The following HUWE1 variants were observed in gnomAD, a reference collection of about 807,000 sequenced individuals.
HUWE1 encodes HECT, UBA and WWE domain containing E3 ubiquitin protein ligase 1, also known as E3 ubiquitin-protein ligase HUWE1.
A neutral mutation model predicts 299.4 loss-of-function variants in HUWE1; 18 were observed. That is an observed-to-expected ratio of 0.06 (90% CI 0.04 to 0.09). The LOEUF (loss-of-function observed/expected upper bound fraction) is 0.09. HUWE1 is among the 10% of genes least tolerant of loss of function. The pLI is 1.00. For synonymous variants in HUWE1, 1,317 were observed against 1,286.1 expected, an observed-to-expected ratio of 1.02 and a Z score of -0.51; for missense variants, 1,832 against 3,462.3, an observed-to-expected ratio of 0.53 and a Z score of 11.82.
At chrX:53,558,860 A>G in intron 58 of HUWE1, 51 bp from the exon 59 acceptor site, 2 of 1,195,195 alleles carry the variant, frequency 1.7e-6, no homozygotes, top group Middle Eastern at 2.4e-4. Context: ...GTCAGGGAGG[A>G]AGCCAAGAGG....
intron 43 of HUWE1, among the ~76,000 whole-genome samples, chrX:53,577,802 A>G (rs1261186433): frequency 1.7e-5 from 2 of 114,670 alleles, no homozygotes; most frequent in African/African-American, 6.3e-5. Context: ...GGGATTGCAG[A>G]CGGAGTCTCG....
chrX:53,636,258 G>A, intron 7 of HUWE1, among the ~76,000 whole-genome samples: 1 of 112,694 alleles, frequency 8.9e-6, no homozygotes, highest in Non-Finnish European at 1.9e-5. Flanking sequence ...ATGGCAGAAT[G>A]GGGAACCCCA....
intron 51 of HUWE1, among the ~76,000 whole-genome samples, chrX:53,564,171 G>A (rs1341955334): frequency 1.8e-5 from 2 of 111,850 alleles, no homozygotes; most frequent in Admixed American, 9.5e-5. Context: ...TTTCCTTTAG[G>A]GTCTTTAGAA....
Position 53,542,845 on chromosome X carries a change from T to TTGTGTGTGTGTGTGTG in HUWE1, c.11380-322_11380-307dup, listed in dbSNP as rs57187405. 74 of 164,051 alleles carry TTGTGTGTGTGTGTGTG rather than the reference T, an allele frequency of 4.5e-4. 2 individuals are homozygous for TTGTGTGTGTGTGTGTG. Among genetic ancestry groups the TTGTGTGTGTGTGTGTG allele is most frequent in the Non-Finnish European group, 6.6e-4 (59 of 89,038 alleles). 13.5% of individuals were successfully genotyped at this position (164,051 alleles called of 1,213,427 possible). The stretch of plus-strand genomic sequence containing the variant: ...TATATAGACTTCAAGTCTTCTTCTG[T>TTGTGTGTGTGTGTGTG]TGTGTGTGTGTGTGTGTGTGTGTGT... On this transcript the variant is annotated intron_variant, in intron 73 of 83. Transcript: ENST00000262854.
chrX:53,562,775 T>C (rs1385350895), intron 53 of HUWE1, 56 bp downstream of exon 53: 32 of 959,155 alleles, frequency 3.3e-5, no homozygotes, highest in East Asian at 6.1e-5. Context: ...CCTAGTGTAG[T>C]GTCTGTCAGA....
intron 23 of HUWE1, 51 bp downstream of exon 23, chrX:53,614,483 A>G (rs1218969493): frequency 1.1e-6 from 1 of 928,141 alleles, no homozygotes; most frequent in Non-Finnish European, 1.6e-6. Flanking sequence ...TAGAGAGGTG[A>G]TAACATGCCC....
intron 3 of HUWE1, among the ~76,000 whole-genome samples, chrX:53,654,415 T>C (rs1490682770): frequency 2.7e-5 from 3 of 111,888 alleles, no homozygotes; most frequent in African/African-American, 9.8e-5. Context: ...AAACTCTTAA[T>C]TGAAAATAAG....
chrX:53,545,025 C>A lies in HUWE1; in HGVS notation c.11048+4G>T. On this transcript the variant is annotated splice_donor_region_variant and intron_variant, in intron 71 of 83. Transcript: ENST00000262854. The stretch of plus-strand genomic sequence containing the variant: ...CCCCCAGCCAAAGGGTGGCTACCAC[C>A]CACCTGCTCTGCATTTTGCCCTTCA... 1 of 1,210,716 alleles carries A rather than the reference C, an allele frequency of 8.3e-7. No individual in the cohort carries two copies.
chrX:53,618,566 T>C (rs886954195), intron 19 of HUWE1, among the ~76,000 whole-genome samples: 1 of 90,581 alleles, frequency 1.1e-5, no homozygotes, highest in Non-Finnish European at 2.2e-5. Flanking sequence ...AAGAATTTTC[T>C]TTTTTTTTTT....
At position 53,631,013 on chromosome X, in the gene HUWE1, G is replaced by C; in HGVS notation, c.784C>G (p.Arg262Gly). ...DKQMLLFTHIRLAHGFSNHRK... is the reference protein window; with the variant it reads ...DKQMLLFTHIGLAHGFSNHRK... ...TGATTAGAAAAGCCATGGGCCAGTC[G>C]TATGTGTGTAAATAACAGCATCTGT... is the stretch of plus-strand genomic sequence containing the variant. Residue 262 changes from arginine to glycine, a missense_variant, in exon 12 of 84, where the codon CGA becomes GGA. Arg to Gly is a moderately radical substitution (Grantham distance 125). Coordinates refer to ENST00000262854, the MANE Select transcript of HUWE1 (RefSeq NM_031407.7). 1.7e-6 allele frequency: 2 copies of C among 1,178,304 alleles called. No homozygotes were observed. The highest frequency in any genetic ancestry group is 2.3e-6 in the Non-Finnish European group (2 of 865,006).
In HUWE1 at chrX:53,631,405, A is replaced by G. The variant is rs781867620; in HGVS notation, c.762+9T>C. On this transcript the variant is annotated intron_variant, in intron 11 of 83. Coordinates refer to ENST00000262854, the MANE Select transcript of HUWE1 (RefSeq NM_031407.7). ...CACATCCTGTGGATGTTTTAAAGCC[A>G]CATCATACCTGCTTATCCTTAGGAA... 10 of 1,179,603 alleles carry G rather than the reference A, an allele frequency of 8.5e-6. No individual in the cohort carries two copies. The Admixed American group carries it at 1.7e-4, about 21-fold the overall frequency.
At chrX:53,577,455 A>C (rs1310500688) in intron 43 of HUWE1, among the ~76,000 whole-genome samples, 1 of 90,219 alleles carries the variant, frequency 1.1e-5, no homozygotes, top group Non-Finnish European at 2.2e-5. Context: ...CCAACGTTTT[A>C]TTAAAAAAAA....
intron 60 of HUWE1, among the ~76,000 whole-genome samples, chrX:53,555,721 A>G (rs1226491859): frequency 9.4e-6 from 1 of 106,319 alleles, no homozygotes; most frequent in Non-Finnish European, 1.9e-5. Context: ...AGCTCACTGA[A>G]GCCTCCACTT....
At chrX:53,569,910 A>G in intron 47 of HUWE1, 83 bp from the exon 48 acceptor site, 6 of 819,762 alleles carry the variant, frequency 7.3e-6, no homozygotes, top group East Asian at 3.3e-5. Context: ...ACACACACAC[A>G]TAGTATTTCC....
At chrX:53,552,504 A>T in intron 62 of HUWE1, 63 bp from the exon 63 acceptor site, 1 of 1,201,029 alleles carries the variant, frequency 8.3e-7, no homozygotes, top group South Asian at 1.8e-5. Flanking sequence ...AAACACTGCT[A>T]CAATACCCCT....
Position 53,600,300 on chromosome X carries a change from T to C in HUWE1, c.2981A>G (p.Gln994Arg), listed in dbSNP as rs1556989085. 1 of 1,201,790 alleles carries C rather than the reference T, an allele frequency of 8.3e-7. No homozygotes were observed. Among genetic ancestry groups the C allele is most frequent in the Non-Finnish European group, 1.1e-6 (1 of 887,865 alleles). The change falls in exon 29 of 84, where the codon CAG (glutamine) becomes CGG (arginine). Residue 994 changes from glutamine (Q) to arginine (R), a missense_variant. Physicochemically the swap from Gln to Arg is conservative, Grantham distance 43. Transcript: ENST00000262854. ...TQGGKRSDGE[Q>R]DGAAGSMDAS... ...ATCCATACTTCCAGCTGCTCCATCC[T>C]GTTCCCCATCTACAGATGTATAAGA...
intron 24 of HUWE1, 141 bp from the exon 25 acceptor site, chrX:53,607,840 T>C (rs1603058320): frequency 4.3e-6 from 2 of 461,650 alleles, no homozygotes; most frequent in East Asian, 7.4e-5. Context: ...AAACCAGATG[T>C]ATGATACGGA....
intron 3 of HUWE1, among the ~76,000 whole-genome samples, chrX:53,667,705 G>A (rs1210082799): frequency 8.9e-6 from 1 of 111,959 alleles, no homozygotes; most frequent in Non-Finnish European, 1.9e-5. Context: ...TAGCAATTTA[G>A]ACATCTTAAT....
intron 33 of HUWE1, among the ~76,000 whole-genome samples, chrX:53,591,562 T>G (rs1248353358): frequency 8.9e-6 from 1 of 111,950 alleles, no homozygotes; most frequent in African/African-American, 3.3e-5. Context: ...GTAAGGAAAC[T>G]ATACAACACA....
Sources: allele counts gnomAD v4.1 joint callset (sites outside exome capture counted in the v4.1 genomes callset), GRCh38; gene constraint gnomAD v4.1.1; transcripts MANE v1.5; gene names NCBI Gene and HGNC (gene_info 2026-07-23, HGNC 2026-07-21).